NUP155: variants seen among roughly 807,000 people sequenced by gnomAD.
NUP155 encodes the protein nuclear pore complex protein Nup155.
In NUP155, 71 loss-of-function variants were observed where a neutral mutation model predicts 180.4. The ratio of observed to expected loss-of-function variants is 0.39; its 90% CI spans 0.33 to 0.48. The LOEUF is 0.48. Ranked by LOEUF, NUP155 falls within the 20% of genes least tolerant of loss-of-function variation. The probability of loss-of-function intolerance (pLI) is 0.91; values close to 1 mark genes in which losing one functional copy is unlikely to be tolerated. For missense variants in NUP155, 1,553 were observed against 1,648.9 expected, an observed-to-expected ratio of 0.94 and a Z score of 1.01; for synonymous variants, 582 against 559.5, an observed-to-expected ratio of 1.04 and a Z score of -0.57.
chr5:37,364,492 A>T, intron 1 of NUP155, 108 bp from the exon 2 acceptor site: 1 of 920,280 alleles, frequency 1.1e-6, no homozygotes, highest in East Asian at 2.6e-5. Context: ...CCAAAGGTAC[A>T]GAGAGAATAT....
At chr5:37,309,395 C>T (rs1743384473) in intron 23 of NUP155, 128 bp from the exon 24 acceptor site, 5 of 782,574 alleles carry the variant, frequency 6.4e-6, no homozygotes, top group African/African-American at 1.8e-5. Context: ...AACAACTCTA[C>T]AAACTTACTT....
chr5:37,291,930 A>G lies in NUP155; in HGVS notation c.4146T>C (p.Ser1382=), dbSNP rs1380212502. The change falls in exon 35 of 35, where the codon TCT becomes TCC. Residue 1382 remains serine (S), a synonymous_variant. Transcript: ENST00000231498. Reference sequence around the variant, plus strand: ...GAAGCCGTTCTAATTTAGCTTGAAGAGATTTAAAATTCCCAGTGATGGCTT... The same window carrying G: ...GAAGCCGTTCTAATTTAGCTTGAAGGGATTTAAAATTCCCAGTGATGGCTT... ...AVQAITGNFK[S]LQAKLERLH 1.9e-6 allele frequency: 3 copies of G among 1,614,100 alleles called. No homozygotes were observed. The highest frequency in any genetic ancestry group is 1.7e-5 in the Admixed American group (1 of 60,014).
chr5:37,368,646 CCT>C (rs1747762409), intron 1 of NUP155, among the ~76,000 whole-genome samples: 1 of 151,820 alleles, frequency 6.6e-6, no homozygotes, highest in African/African-American at 2.4e-5. Context: ...ACGGTGAAAC[CCT>C]GTCTCTACTA....
chr5:37,370,494 G>A (rs1260438115), intron 1 of NUP155, among the ~76,000 whole-genome samples: 1 of 152,204 alleles, frequency 6.6e-6, no homozygotes, highest in Non-Finnish European at 1.5e-5. Flanking sequence ...GAACAAATTT[G>A]GGACTTGGAT....
intron 25 of NUP155, among the ~76,000 whole-genome samples, chr5:37,306,115 A>T (rs1005426690): frequency 6.6e-6 from 1 of 152,118 alleles, no homozygotes; most frequent in African/African-American, 2.4e-5. Flanking sequence ...TTTTCGCCAG[A>T]TGTGGTGGCT....
At chr5:37,308,793 T>A (rs574974231) in intron 24 of NUP155, among the ~76,000 whole-genome samples, 24 of 149,194 alleles carry the variant, frequency 1.6e-4, no homozygotes, top group African/African-American at 6.0e-4. Context: ...GGCAGGAGAA[T>A]TGCTGGAACC....
At chr5:37,354,269 C>T (rs2111624514) in intron 4 of NUP155, among the ~76,000 whole-genome samples, 1 of 151,926 alleles carries the variant, frequency 6.6e-6, no homozygotes. Context: ...GCCTCAGCCT[C>T]CCGAGTAGGT....
At position 37,371,013 on chromosome 5, in the gene NUP155, C is replaced by CA; in HGVS notation, c.-37dup. ...GTAGACACCAGGGTCCAGAAAAAGT[C>CA]AAAAACCAAGGAGAAACAAGAAAAG... On this transcript the variant is annotated 5_prime_UTR_variant, in exon 1 of 35. Transcript: ENST00000231498. The CA allele has an allele frequency of 6.2e-7, 1 of 1,606,626 alleles. No individual in the cohort carries two copies. The highest frequency in any genetic ancestry group is 8.5e-7 in the Non-Finnish European group (1 of 1,175,022).
rs151102751 is a variant in NUP155, at chr5:37,329,926, T to C, written c.1724+112A>G. 563 of 749,636 alleles carry C rather than the reference T, an allele frequency of 7.5e-4. 3 individuals are homozygous for C. In the African/African-American group the frequency reaches 9.1e-3, roughly 12 times the overall value. The allele number at this position is 749,636 out of a possible 1,614,324, so 46.4% of individuals were successfully genotyped here. A position where few individuals can be genotyped will look rare whatever the true frequency, so the allele number is the denominator to read the frequency against. The stretch of plus-strand genomic sequence containing the variant: ...CTTTTGCAAATGAATTTTGGTAATT[T>C]GCCTACATAGTCACTCAACTGTTTG... On this transcript the variant is annotated intron_variant, in intron 15 of 34. Transcript: ENST00000231498.
At chr5:37,355,327 G>A (rs1422944822) in intron 4 of NUP155, among the ~76,000 whole-genome samples, 2 of 151,798 alleles carry the variant, frequency 1.3e-5, no homozygotes, top group Admixed American at 1.3e-4. Context: ...TGGACAACAT[G>A]GCCAAACCAC....
intron 9 of NUP155, 27 bp from the exon 10 acceptor site, chr5:37,342,673 A>G (rs367834856): frequency 3.8e-6 from 5 of 1,326,206 alleles, no homozygotes; most frequent in Non-Finnish European, 5.4e-6. Context: ...AATAAAGTGT[A>G]TTTTTAAAAT....
At chr5:37,338,567 G>A (rs1745505177) in intron 11 of NUP155, among the ~76,000 whole-genome samples, 2 of 151,646 alleles carry the variant, frequency 1.3e-5, no homozygotes, top group South Asian at 4.2e-4. Flanking sequence ...CACCACGCCC[G>A]ACTAATTTTT....
intron 32 of NUP155, among the ~76,000 whole-genome samples, chr5:37,295,195 C>T (rs890367926): frequency 2.3e-4 from 35 of 152,240 alleles, no homozygotes; most frequent in Admixed American, 8.5e-4. Flanking sequence ...TGCAGGTGCG[C>T]GCCGCCACGC....
intron 12 of NUP155, among the ~76,000 whole-genome samples, chr5:37,335,940 G>A (rs1413076371): frequency 6.6e-6 from 1 of 151,932 alleles, no homozygotes; most frequent in Admixed American, 6.6e-5. Context: ...ACTCCAGCCT[G>A]GGCAACAGAG....
rs1277814020 is a variant in NUP155, at chr5:37,370,750, G to C, written c.157+71C>G. On this transcript the variant is annotated intron_variant, in intron 1 of 34. Coordinates refer to ENST00000231498, the MANE Select transcript of NUP155 (RefSeq NM_153485.3). ...CATATCCTCGCCGGGACCAACGCTG[G>C]GGATAAGTAGCAAATTAGGAAGTCA... 1.1e-5 allele frequency: 18 copies of C among 1,612,978 alleles called. No homozygotes were observed. In the Admixed American group the frequency reaches 2.2e-4, roughly 19 times the overall value.
At chr5:37,337,766 C>A in intron 12 of NUP155, 52 bp downstream of exon 12, 1 of 1,077,296 alleles carries the variant, frequency 9.3e-7, no homozygotes, top group South Asian at 1.3e-5. Flanking sequence ...TCCATATTAT[C>A]CTTCACTTAA....
intron 11 of NUP155, among the ~76,000 whole-genome samples, chr5:37,339,742 C>T (rs772442449): frequency 1.4e-4 from 22 of 152,184 alleles, no homozygotes; most frequent in Non-Finnish European, 2.9e-4. Context: ...CACAATCCAA[C>T]CTCACTTTTT....
chr5:37,324,705 TCTGA>T (rs1244167569), intron 19 of NUP155, among the ~76,000 whole-genome samples: 1 of 152,088 alleles, frequency 6.6e-6, no homozygotes, highest in Non-Finnish European at 1.5e-5. Flanking sequence ...CCACCACATA[TCTGA>T]CTAATTTTAA....
chr5:37,356,873 C>G (rs376464718), intron 4 of NUP155, among the ~76,000 whole-genome samples: 13 of 152,198 alleles, frequency 8.5e-5, no homozygotes, highest in African/African-American at 2.9e-4. Flanking sequence ...ATTGGGAGGC[C>G]AAGGTAGGCA....
Sources: allele counts gnomAD v4.1 joint callset (sites outside exome capture counted in the v4.1 genomes callset), GRCh38; gene constraint gnomAD v4.1.1; transcripts MANE v1.5; gene names NCBI Gene and HGNC (gene_info 2026-07-23, HGNC 2026-07-21).